The following SLC35F4 variants were observed in gnomAD, a reference collection of about 807,000 sequenced individuals.
SLC35F4 encodes solute carrier family 35 member F4.
A neutral mutation model predicts 44.2 loss-of-function variants in SLC35F4; 24 were observed. The ratio of observed to expected loss-of-function variants is 0.54; its 90% CI spans 0.39 to 0.76. The LOEUF (loss-of-function observed/expected upper bound fraction) is 0.76, where lower values mean the gene tolerates loss of function less well. SLC35F4 is among the 30% of genes least tolerant of loss of function. SLC35F4 has a pLI of 0.00. For synonymous variants in SLC35F4, 238 were observed against 223.6 expected (o/e 1.06, Z -0.57); for missense variants, 562 against 586.1 (o/e 0.96, Z 0.42).
At chr14:57,821,311 T>C (rs1219914920) in intron 1 of SLC35F4, among the ~76,000 whole-genome samples, 1 of 152,248 alleles carries the variant, frequency 6.6e-6, no homozygotes. Flanking sequence ...AAAATTATAC[T>C]AGAATCCAAA....
intron 1 of SLC35F4, among the ~76,000 whole-genome samples, chr14:57,918,671 A>G (rs551750136): frequency 4.5e-4 from 69 of 152,230 alleles, no homozygotes; most frequent in Non-Finnish European, 8.5e-4. Context: ...AAGGGATGGT[A>G]CAGCTGCAGG....
At chr14:57,589,534 C>G in intron 2 of SLC35F4, 21 bp from the exon 3 acceptor site, 1 of 1,575,024 alleles carries the variant, frequency 6.3e-7, no homozygotes, top group Non-Finnish European at 8.6e-7. Context: ...GAAAGGAATA[C>G]AAATGTGAGG....
intron 1 of SLC35F4, among the ~76,000 whole-genome samples, chr14:57,662,275 T>G (rs910262313): frequency 3.9e-5 from 6 of 152,188 alleles, no homozygotes; most frequent in Admixed American, 6.5e-5. Flanking sequence ...CAAGCTGAAA[T>G]TGCCACCTGG....
chr14:57,913,309 ACT>A (rs1889252821), intron 1 of SLC35F4, among the ~76,000 whole-genome samples: 1 of 151,866 alleles, frequency 6.6e-6, no homozygotes, highest in Non-Finnish European at 1.5e-5. Flanking sequence ...CATATTTGTT[ACT>A]GTTTTCTCTT....
At chr14:57,778,350 T>G (rs934580117) in intron 1 of SLC35F4, among the ~76,000 whole-genome samples, 3 of 151,924 alleles carry the variant, frequency 2.0e-5, no homozygotes, top group African/African-American at 7.3e-5. Flanking sequence ...AAAACAGACT[T>G]TAAACCAACA....
chr14:57,756,526 G>A (rs1228081529), intron 1 of SLC35F4, among the ~76,000 whole-genome samples: 2 of 151,668 alleles, frequency 1.3e-5, no homozygotes, highest in Non-Finnish European at 2.9e-5. Context: ...TATTCTGTGT[G>A]TTTTCTGCTG....
At chr14:57,669,808 C>G (rs1457151634) in intron 1 of SLC35F4, among the ~76,000 whole-genome samples, 1 of 152,100 alleles carries the variant, frequency 6.6e-6, no homozygotes, top group African/African-American at 2.4e-5. Context: ...TGTTGTGTCT[C>G]TGCCAGGCTT....
At chr14:57,692,293 T>A (rs1339742999) in intron 1 of SLC35F4, among the ~76,000 whole-genome samples, 1 of 152,198 alleles carries the variant, frequency 6.6e-6, no homozygotes, top group Non-Finnish European at 1.5e-5. Context: ...CAACTAGCCC[T>A]TTGTTGGTCT....
intron 1 of SLC35F4, among the ~76,000 whole-genome samples, chr14:57,740,062 G>T: frequency 6.6e-6 from 1 of 152,082 alleles, no homozygotes; most frequent in African/African-American, 2.4e-5. Flanking sequence ...GTTTCGTCAT[G>T]TTGGCCGGGC....
At chr14:57,627,163 T>C (rs751783384) in intron 1 of SLC35F4, among the ~76,000 whole-genome samples, 2 of 152,158 alleles carry the variant, frequency 1.3e-5, no homozygotes, top group African/African-American at 2.4e-5. Flanking sequence ...CTGGAAGTAA[T>C]GGAGGACTTC....
chr14:57,942,258 A>C (rs1196830090), intron 1 of SLC35F4, among the ~76,000 whole-genome samples: 4 of 152,184 alleles, frequency 2.6e-5, no homozygotes, highest in Non-Finnish European at 5.9e-5. Context: ...TGCAAGGGAG[A>C]AATAACTCTG....
intron 1 of SLC35F4, among the ~76,000 whole-genome samples, chr14:57,874,382 C>T (rs73294857): frequency 0.078 from 11,832 of 152,204 alleles, 646 homozygotes; most frequent in African/African-American, 0.16. Context: ...ACCAGGCAAT[C>T]AAAACACATT....
intron 1 of SLC35F4, among the ~76,000 whole-genome samples, chr14:57,846,118 A>T (rs1230776475): frequency 6.6e-6 from 1 of 152,182 alleles, no homozygotes; most frequent in Non-Finnish European, 1.5e-5. Flanking sequence ...GGGGAAAAAA[A>T]CACCAAGAGA....
rs561219668 is a variant in SLC35F4, at chr14:57,881,428, T to G, written n.282+100485A>C. On this transcript the variant is annotated intron_variant and non_coding_transcript_variant, in intron 1 of 1. Transcript: ENST00000556568. The stretch of plus-strand genomic sequence containing the variant: ...TTAAATAAGTGAAGTATTCCACATA[T>G]GTACATAATAAGGGGCATGGTGTCA... 4.6e-5 allele frequency among the ~76,000 whole-genome samples: 7 copies of G among 152,316 alleles called. No homozygotes were observed. In the East Asian group the frequency reaches 1.2e-3, roughly 25 times the overall value.
rs762769673 is a variant in SLC35F4, at chr14:57,571,979, A to G, written c.848T>C (p.Met283Thr). The G allele has an allele frequency of 1.9e-6, 3 of 1,612,032 alleles. No homozygotes were observed. Among genetic ancestry groups the G allele is most frequent in the South Asian group, 1.1e-5 (1 of 90,586 alleles). The part of the protein sequence containing the change: ...AIMAITGIVM[M>T]AYADNFHADS... Reference sequence around the variant, plus strand: ...AGCGTGGAAATTATCTGCATATGCCATCATGACAATGCCGGTAATTGCCAT... The same window carrying G: ...AGCGTGGAAATTATCTGCATATGCCGTCATGACAATGCCGGTAATTGCCAT... Residue 283 changes from methionine to threonine, a missense_variant, in exon 5 of 8, where the codon ATG becomes ACG. Met to Thr is a moderately conservative substitution (Grantham distance 81). Coordinates refer to ENST00000556826, the MANE Select transcript of SLC35F4 (RefSeq NM_001306087.2).
chr14:57,618,945 C>A (rs2072018489), intron 1 of SLC35F4, among the ~76,000 whole-genome samples: 1 of 152,100 alleles, frequency 6.6e-6, no homozygotes. Context: ...CTGGGTGGAG[C>A]CCACCGCAGC....
intron 1 of SLC35F4, among the ~76,000 whole-genome samples, chr14:57,803,006 A>AAAAAAAG (rs74994950): frequency 3.7e-5 from 5 of 136,252 alleles, no homozygotes; most frequent in African/African-American, 3.1e-5. Context: ...AAAAAAAAAA[A>AAAAAAAG]GAAATTGCAG....
At chr14:57,751,551 C>T (rs1002988019) in intron 1 of SLC35F4, among the ~76,000 whole-genome samples, 12 of 152,280 alleles carry the variant, frequency 7.9e-5, no homozygotes, top group South Asian at 2.1e-4. Flanking sequence ...AAGGCAACAA[C>T]GAAACACGTC....
Position 57,848,366 on chromosome 14 carries a change from C to G in SLC35F4, c.103+17357G>C, listed in dbSNP as rs1269796492. On this transcript the variant is annotated intron_variant, in intron 1 of 7. Transcript: ENST00000556826. The stretch of plus-strand genomic sequence containing the variant: ...ATGGTTGAAGACTGCGGTGCTATAC[C>G]AAAATCATGGAAGAATTGAGTGAAT... 2.6e-5 allele frequency among the ~76,000 whole-genome samples: 4 copies of G among 152,182 alleles called. No individual in the cohort carries two copies. In the South Asian group the frequency reaches 8.3e-4, roughly 32 times the overall value.
Sources: allele counts gnomAD v4.1 joint callset (sites outside exome capture counted in the v4.1 genomes callset), GRCh38; gene constraint gnomAD v4.1.1; transcripts MANE v1.5; gene names NCBI Gene and HGNC (gene_info 2026-07-23, HGNC 2026-07-21).